The following HAPLN1 variants were observed in gnomAD, a reference collection of about 807,000 sequenced individuals.
HAPLN1 encodes the protein hyaluronan and proteoglycan link protein 1, also known as Cartilage link protein.
In HAPLN1, 13 loss-of-function variants were observed where a neutral mutation model predicts 36.5. The observed-to-expected ratio is 0.36, with a 90% confidence interval of 0.23 to 0.57. The LOEUF (loss-of-function observed/expected upper bound fraction) is 0.57. Ranked by LOEUF, HAPLN1 falls within the 20% of genes least tolerant of loss-of-function variation. HAPLN1 has a pLI of 0.83. For synonymous variants in HAPLN1, 202 were observed against 169.8 expected (o/e 1.19, Z -1.48); for missense variants, 407 against 439.7 (o/e 0.93, Z 0.66).
intron 1 of HAPLN1, among the ~76,000 whole-genome samples, chr5:83,688,353 T>C (rs974661986): frequency 1.3e-5 from 2 of 152,296 alleles, no homozygotes; most frequent in Admixed American, 6.5e-5. Context: ...CATATCCCGA[T>C]GTAGCAGCAG....
intron 1 of HAPLN1, among the ~76,000 whole-genome samples, chr5:83,707,758 T>C (rs1751685030): frequency 6.6e-6 from 1 of 152,188 alleles, no homozygotes; most frequent in Admixed American, 6.5e-5. Flanking sequence ...CTTAAGAGCT[T>C]CTGCACAGCA....
At chr5:83,718,025 C>T (rs1580171016) in intron 1 of HAPLN1, among the ~76,000 whole-genome samples, 1 of 152,186 alleles carries the variant, frequency 6.6e-6, no homozygotes, top group African/African-American at 2.4e-5. Context: ...ATTTCTATTT[C>T]AGGAACAGTG....
intron 2 of HAPLN1, among the ~76,000 whole-genome samples, chr5:83,664,103 G>A (rs1750488403): frequency 6.6e-6 from 1 of 152,112 alleles, no homozygotes; most frequent in Non-Finnish European, 1.5e-5. Flanking sequence ...CCTACTCTCT[G>A]AAAGCACAAC....
chr5:83,687,299 A>C (rs79368410), intron 1 of HAPLN1, among the ~76,000 whole-genome samples: 1 of 152,222 alleles, frequency 6.6e-6, no homozygotes, highest in African/African-American at 2.4e-5. Context: ...AGTAGTCTTC[A>C]GTTACGAACC....
chr5:83,647,936 C>A (rs1157304400), intron 3 of HAPLN1, among the ~76,000 whole-genome samples: 1 of 152,066 alleles, frequency 6.6e-6, no homozygotes, highest in Non-Finnish European at 1.5e-5. Flanking sequence ...TCTGATAGTT[C>A]TCAGACTATA....
At chr5:83,693,992 A>G (rs1430797232) in intron 1 of HAPLN1, among the ~76,000 whole-genome samples, 1 of 152,024 alleles carries the variant, frequency 6.6e-6, no homozygotes, top group Non-Finnish European at 1.5e-5. Context: ...AAGAGCAAGT[A>G]CACATTCTTT....
intron 1 of HAPLN1, among the ~76,000 whole-genome samples, chr5:83,690,970 A>G (rs141420614): frequency 3.3e-5 from 5 of 152,158 alleles, no homozygotes; most frequent in African/African-American, 1.2e-4. Context: ...TCTGATCAAG[A>G]TGAAGTAAGA....
chr5:83,640,084 A>G lies in HAPLN1; in HGVS notation c.*1412T>C, dbSNP rs191234511. On this transcript the variant is annotated 3_prime_UTR_variant, in exon 5 of 5. Coordinates refer to ENST00000274341, the MANE Select transcript of HAPLN1 (RefSeq NM_001884.4). ...CCGGCTATGTCATACTTGGATTATTATAGTAAATCCCATTTATTAGAACTC... is the reference window on the plus strand; with the variant it reads ...CCGGCTATGTCATACTTGGATTATTGTAGTAAATCCCATTTATTAGAACTC... 4 of 152,312 alleles carry G rather than the reference A, an allele frequency of 2.6e-5. No individual in the cohort carries two copies. The highest frequency in any genetic ancestry group is 9.6e-5 in the African/African-American group (4 of 41,590). The allele number at this position is 152,312 out of a possible 1,614,324, so 9.4% of individuals were successfully genotyped here.
intron 2 of HAPLN1, among the ~76,000 whole-genome samples, chr5:83,661,735 A>G (rs1431287384): frequency 6.6e-6 from 1 of 151,476 alleles, no homozygotes; most frequent in Non-Finnish European, 1.5e-5. Flanking sequence ...GAGCAACGGC[A>G]CCCGGCCCAG....
chr5:83,711,357 G>C (rs991060265), intron 1 of HAPLN1, among the ~76,000 whole-genome samples: 3 of 152,214 alleles, frequency 2.0e-5, no homozygotes, highest in African/African-American at 7.2e-5. Flanking sequence ...CCATTCTGCA[G>C]GGTGATATTT....
chr5:83,708,714 A>T (rs925791581), intron 1 of HAPLN1, among the ~76,000 whole-genome samples: 12 of 152,036 alleles, frequency 7.9e-5, no homozygotes, highest in Admixed American at 2.0e-4. Context: ...ACTAAAAGTT[A>T]AAAAAAAGGA....
intron 1 of HAPLN1, among the ~76,000 whole-genome samples, chr5:83,701,052 A>G (rs1751497237): frequency 6.6e-6 from 1 of 152,154 alleles, no homozygotes; most frequent in African/African-American, 2.4e-5. Flanking sequence ...TGTTAATATA[A>G]ATGAGAGTTT....
At chr5:83,661,426 G>C (rs1280021139) in intron 2 of HAPLN1, among the ~76,000 whole-genome samples, 1 of 134,770 alleles carries the variant, frequency 7.4e-6, no homozygotes, top group African/African-American at 2.8e-5. Context: ...TGGTCTGTGA[G>C]AAAAGCTTCT....
chr5:83,690,770 G>A (rs1302211110), intron 1 of HAPLN1, among the ~76,000 whole-genome samples: 2 of 151,840 alleles, frequency 1.3e-5, no homozygotes, highest in Non-Finnish European at 2.9e-5. Flanking sequence ...TATTTATATG[G>A]TGATTATATA....
At chr5:83,651,895 T>C (rs1298658727) in intron 3 of HAPLN1, 2 of 152,302 alleles carry the variant, frequency 1.3e-5, no homozygotes, top group Admixed American at 1.3e-4. Context: ...AGAAATAGAA[T>C]TCTCCCACAA....
At chr5:83,685,688 G>A (rs1751103146) in intron 1 of HAPLN1, among the ~76,000 whole-genome samples, 1 of 152,136 alleles carries the variant, frequency 6.6e-6, no homozygotes, top group African/African-American at 2.4e-5. Context: ...TTCAATGAAT[G>A]AATAAGGAGA....
intron 2 of HAPLN1, among the ~76,000 whole-genome samples, chr5:83,668,848 A>AGG (rs1750625071): frequency 1.3e-5 from 2 of 152,186 alleles, no homozygotes; most frequent in South Asian, 4.1e-4. Flanking sequence ...GATTTGAAGA[A>AGG]GGGGAGGCAG....
chr5:83,641,035 T>C lies in HAPLN1; in HGVS notation c.*461A>G, dbSNP rs1030313944. 3.3e-5 allele frequency: 5 copies of C among 152,552 alleles called. No homozygotes were observed. The highest frequency in any genetic ancestry group is 1.2e-4 in the African/African-American group (5 of 41,432). 9.4% of individuals were successfully genotyped at this position (152,552 alleles called of 1,614,324 possible). A position where few individuals can be genotyped will look rare whatever the true frequency, so the allele number is the denominator to read the frequency against. On this transcript the variant is annotated 3_prime_UTR_variant, in exon 5 of 5. Transcript: ENST00000274341. ...TTCCCTTGTGAAACTGAGTTTTGTA[T>C]AACCTCTCAGTTTATGTAAAGAAGC...
intron 1 of HAPLN1, among the ~76,000 whole-genome samples, chr5:83,707,786 A>G (rs1437428150): frequency 6.6e-6 from 1 of 152,194 alleles, no homozygotes; most frequent in Non-Finnish European, 1.5e-5. Context: ...CTGTGAACAG[A>G]GTAAACAACC....
Sources: gnomAD v4.1 joint callset for allele counts (sites outside exome capture counted in the v4.1 genomes callset) on GRCh38, gnomAD v4.1.1 for gene constraint, MANE v1.5 for transcripts, NCBI Gene and HGNC (gene_info 2026-07-23, HGNC 2026-07-21) for gene names.